MYL5: variants seen among roughly 807,000 people sequenced by gnomAD.
MYL5 encodes myosin regulatory light chain 5.
Under a neutral mutation model 20.8 loss-of-function variants are expected in MYL5, and 28 were observed. The observed-to-expected ratio is 1.35, with a 90% confidence interval of 1.00 to 1.84. The LOEUF is 1.84. MYL5 is among the 40% of genes most tolerant of loss of function. The pLI is 0.00. For synonymous variants in MYL5, 118 were observed against 87.4 expected (o/e 1.35, Z -1.95); for missense variants, 274 against 227.3 (o/e 1.21, Z -1.32).
At chr4:681,041 G>C in intron 5 of MYL5, 51 bp from the exon 8 acceptor site, 1 of 1,559,824 alleles carries the variant, frequency 6.4e-7, no homozygotes, top group South Asian at 1.2e-5. Context: ...CCACCGAGAA[G>C]GCTCCTGCAC....
At chr4:678,760 A>G (rs1220283475) in exon 2 of MYL5, 9 of 1,610,190 alleles carry the variant, frequency 5.6e-6, no homozygotes, top group Non-Finnish European at 7.6e-6. Flanking sequence ...CCAGGAGTTC[A>G]AGGAGGTGAG....
At chr4:678,535 C>A (rs546458755) in intron 1 of MYL5, 123 bp from the exon 4 acceptor site, 49 of 1,464,182 alleles carry the variant, frequency 3.3e-5, no homozygotes, top group Middle Eastern at 2.5e-4. Context: ...AGCTGTCTGG[C>A]CCCCTCCAGC....
At chr4:676,452 T>C (rs1738848328), upstream of MYL5, 1 of 152,244 alleles carries the variant, frequency 6.6e-6, no homozygotes, top group African/African-American at 2.4e-5. Context: ...TCAAGGCCTT[T>C]CCTGAGAGCT....
upstream of MYL5, chr4:674,576 C>T: frequency 1.4e-5 from 6 of 416,944 alleles, no homozygotes; most frequent in South Asian, 1.6e-4. Flanking sequence ...GCTGTTTCCC[C>T]GCGCTGCTGC....
chr4:681,841 C>T (rs1198680431), intron 6 of MYL5, 52 bp from the exon 9 acceptor site: 5 of 1,296,332 alleles, frequency 3.9e-6, no homozygotes, highest in East Asian at 2.9e-5. Flanking sequence ...CAGGTGCGCG[C>T]TTGTAATTCG....
exon 2 of MYL5, chr4:678,759 C>T: frequency 6.2e-7 from 1 of 1,610,212 alleles, no homozygotes; most frequent in South Asian, 1.1e-5. Context: ...TCCAGGAGTT[C>T]AAGGAGGTGA....
intron 6 of MYL5, 103 bp from the exon 9 acceptor site, chr4:681,790 C>T (rs1383015199): frequency 2.4e-6 from 3 of 1,235,796 alleles, no homozygotes; most frequent in African/African-American, 3.2e-5. Flanking sequence ...CCCCTCCCCG[C>T]TCCCCCTCCC....
At chr4:681,763 C>T (rs1240681328) in intron 6 of MYL5, 130 bp from the exon 9 acceptor site, 2 of 1,183,740 alleles carry the variant, frequency 1.7e-6, no homozygotes, top group African/African-American at 3.4e-5. Flanking sequence ...CAGCGCCGCC[C>T]TCACCCCGCA....
At chr4:678,293 T>C (rs1343267064) in intron 1 of MYL5, 3 of 1,433,080 alleles carry the variant, frequency 2.1e-6, no homozygotes, top group Non-Finnish European at 2.7e-6. Context: ...ATGAGGGGGT[T>C]CCTGGCTTTC....
chr4:681,192 G>A, intron 6 of MYL5, 52 bp downstream of exon 8: 2 of 1,565,226 alleles, frequency 1.3e-6, no homozygotes, highest in Non-Finnish European at 1.7e-6. Context: ...CGGGGCTCCC[G>A]GGGTCAGCTG....
chr4:679,994 A>C, exon 4 of MYL5: 3 of 1,613,338 alleles, frequency 1.9e-6, no homozygotes, highest in Non-Finnish European at 2.5e-6. Context: ...CATGTTTCTG[A>C]ACCTGTTTGG....
chr4:681,654 AGCGCCGCCCCGCCCCCTCC>A (rs1739610042), intron 6 of MYL5, among the ~76,000 whole-genome samples: 1 of 1,404 alleles, frequency 7.1e-4, no homozygotes, highest in South Asian at 0.025. Flanking sequence ...CGCCCCCTCC[AGCGCCGCCCCGCCCCCTCC>A]AGCGCCGCCC....
intron 1 of MYL5, chr4:678,358 C>G: frequency 7.1e-7 from 1 of 1,413,504 alleles, no homozygotes; most frequent in Middle Eastern, 2.6e-4. Flanking sequence ...CCCCTCAAGC[C>G]TTCAGAGGCC....
At chr4:677,378 G>A (rs1019421470), upstream of MYL5, among the ~76,000 whole-genome samples, 3 of 152,338 alleles carry the variant, frequency 2.0e-5, no homozygotes, top group South Asian at 6.2e-4. Context: ...ACCAGGCTCA[G>A]GGCCCTAGAG....
rs1337404514 is a variant in MYL5 at position 681,738 on chromosome 4, C to T, written c.421-155C>T. On this transcript the variant is annotated intron_variant, in intron 6 of 6. Coordinates refer to ENST00000400159, the Ensembl canonical transcript of MYL5. The stretch of plus-strand genomic sequence containing the variant: ...CAGCGCCGCCCCGCCCCCTCCAGCG[C>T]CGCCCCGCCCCCTCCAGCGCCGCCC... 4 of 750,832 alleles carry T rather than the reference C, an allele frequency of 5.3e-6. No homozygotes were observed. The African/African-American group carries it at 6.4e-5, about 12-fold the overall frequency. 46.5% of individuals were successfully genotyped at this position (750,832 alleles called of 1,614,324 possible).
chr4:681,184 G>A, intron 6 of MYL5, 44 bp downstream of exon 8: 1 of 1,577,618 alleles, frequency 6.3e-7, no homozygotes, highest in Non-Finnish European at 8.6e-7. Flanking sequence ...GGGGAGGGCG[G>A]GGCTCCCGGG....
upstream of MYL5, chr4:677,905 C>T (rs1174263435): frequency 7.7e-6 from 12 of 1,560,652 alleles, no homozygotes; most frequent in Middle Eastern, 1.2e-3. Flanking sequence ...GGGGTAGCCC[C>T]AAGCCTGTCC....
rs369788415 is a variant in MYL5 at position 678,982 on chromosome 4, C to T, written c.136C>T (p.Arg46Ter). Residue 46 changes from arginine (R) to a stop codon, truncating the protein, a stop_gained, in exon 3 of 7, where the codon CGA becomes TGA. Coordinates refer to ENST00000400159, the Ensembl canonical transcript of MYL5. LOFTEE classifies it high-confidence loss of function. ...GGCATTCACACTCATGGATCAGAAC[C>T]GAGATGGCTTCATTGACAAGGAGGA... 2.4e-5 allele frequency: 39 copies of T among 1,613,670 alleles called. No individual in the cohort carries two copies. The highest frequency in any genetic ancestry group is 1.6e-4 in the Middle Eastern group (1 of 6,084).
At chr4:681,475 C>A (rs1739524296) in intron 6 of MYL5, among the ~76,000 whole-genome samples, 1 of 133,268 alleles carries the variant, frequency 7.5e-6, no homozygotes, top group Non-Finnish European at 1.6e-5. Context: ...CCCCAGCGGG[C>A]GAGACTAATG....
Sources: allele counts gnomAD v4.1 joint callset (sites outside exome capture counted in the v4.1 genomes callset), GRCh38; gene constraint gnomAD v4.1.1; transcripts MANE v1.5; gene names NCBI Gene and HGNC (gene_info 2026-07-23, HGNC 2026-07-21).